The following SIPA1L1 variants were observed in gnomAD, a reference collection of about 807,000 sequenced individuals.
SIPA1L1 encodes signal induced proliferation associated 1 like 1, also known as signal-induced proliferation-associated 1-like protein 1.
A neutral mutation model predicts 162.7 loss-of-function variants in SIPA1L1; 26 were observed. The ratio of observed to expected loss-of-function variants is 0.16; its 90% confidence interval spans 0.12 to 0.22. The LOEUF (loss-of-function observed/expected upper bound fraction) is 0.22, where lower values mean the gene tolerates loss of function less well. Among genes scored for constraint, SIPA1L1 ranks in the 10% least tolerant of loss-of-function variants. SIPA1L1 has a pLI of 1.00. For synonymous variants in SIPA1L1, 829 were observed against 837.4 expected, an observed-to-expected ratio of 0.99 and a Z score of 0.17; for missense variants, 1,874 against 2,241.0, an observed-to-expected ratio of 0.84 and a Z score of 3.31.
At chr14:71,730,022 T>G in intron 19 of SIPA1L1, 33 bp from the exon 20 acceptor site, 1 of 1,599,520 alleles carries the variant, frequency 6.3e-7, no homozygotes, top group Non-Finnish European at 8.5e-7. Context: ...AACCAGAAAA[T>G]TGACTTTCTT....
intron 4 of SIPA1L1, chr14:71,573,858 G>A (rs1239200601): frequency 2.6e-6 from 1 of 380,668 alleles, no homozygotes; most frequent in Non-Finnish European, 5.2e-6. Flanking sequence ...TGCCTTTGAT[G>A]CTTATTATAC....
At chr14:71,512,219 G>T (rs1039680457) in intron 2 of SIPA1L1, among the ~76,000 whole-genome samples, 2 of 152,074 alleles carry the variant, frequency 1.3e-5, no homozygotes, top group African/African-American at 4.8e-5. Context: ...TTTGTCTCTT[G>T]CCCAAATTCC....
In SIPA1L1 at chr14:71,656,353, CATTA is replaced by C. The variant is rs34790773; in HGVS notation, c.1994-1976_1994-1973del. ...CCAATGACATTTTTTTTTTCTGTTTCATTAATTTTGCTTAAAATTGACTTGAAAC... is the reference window on the plus strand; with the variant it reads ...CCAATGACATTTTTTTTTTCTGTTTCATTTTGCTTAAAATTGACTTGAAAC... On this transcript the variant is annotated intron_variant, in intron 8 of 23. Transcript: ENST00000381232. 6.1e-3 allele frequency among the ~76,000 whole-genome samples: 913 copies of C among 150,478 alleles called. 12 individuals carry two copies. The highest frequency in any genetic ancestry group is 0.021 in the African/African-American group (854 of 40,898).
chr14:71,685,213 A>T, intron 12 of SIPA1L1, 149 bp from the exon 13 acceptor site: 1 of 866,448 alleles, frequency 1.2e-6, no homozygotes, highest in Non-Finnish European at 1.8e-6. Context: ...AAAAGAAAAT[A>T]AGTACTAGGG....
intron 2 of SIPA1L1, among the ~76,000 whole-genome samples, chr14:71,498,510 A>C (rs2049961338): frequency 6.6e-6 from 1 of 152,228 alleles, no homozygotes; most frequent in Admixed American, 6.5e-5. Context: ...AGGAAAGTAC[A>C]TAAACTCTGT....
At chr14:71,538,056 C>T (rs1305985333) in intron 4 of SIPA1L1, among the ~76,000 whole-genome samples, 1 of 152,164 alleles carries the variant, frequency 6.6e-6, no homozygotes, top group African/African-American at 2.4e-5. Context: ...AAGATTCACT[C>T]TCTCCTTTCT....
At chr14:71,657,164 A>G (rs529988124) in intron 8 of SIPA1L1, among the ~76,000 whole-genome samples, 5 of 152,224 alleles carry the variant, frequency 3.3e-5, no homozygotes, top group Admixed American at 1.3e-4. Flanking sequence ...CCTGGCCAAC[A>G]TGGTGAAACC....
At chr14:71,654,831 A>C (rs540395605) in intron 8 of SIPA1L1, among the ~76,000 whole-genome samples, 14 of 152,194 alleles carry the variant, frequency 9.2e-5, no homozygotes, top group Non-Finnish European at 1.3e-4. Context: ...ACCAGATAAA[A>C]AAGCATTTTT....
chr14:71,507,172 C>T (rs1202354668), intron 2 of SIPA1L1, among the ~76,000 whole-genome samples: 1 of 152,018 alleles, frequency 6.6e-6, no homozygotes, highest in Non-Finnish European at 1.5e-5. Context: ...TAGAGGAAAA[C>T]TTGGTAACTT....
At position 71,685,746 on chromosome 14, in the gene SIPA1L1, A is replaced by G. The variant is rs1307554075; in HGVS notation, c.3374+115A>G. 6 of 1,289,444 alleles carry G rather than the reference A, an allele frequency of 4.7e-6. No homozygotes were observed. In the African/African-American group the frequency reaches 7.4e-5, roughly 16 times the overall value. The allele number at this position is 1,289,444 out of a possible 1,614,324, so 79.9% of individuals were successfully genotyped here. A position where few individuals can be genotyped will look rare whatever the true frequency, so the allele number is the denominator to read the frequency against. On this transcript the variant is annotated intron_variant, in intron 13 of 23. Coordinates refer to ENST00000381232, the MANE Select transcript of SIPA1L1 (RefSeq NM_001386936.1). ...TATTTTACTAGAAACAAAGAATTAA[A>G]CTGAGGTGCATACCGTAGTGACTTT... is the stretch of plus-strand genomic sequence containing the variant.
chr14:71,542,116 A>G (rs920827560), intron 4 of SIPA1L1, among the ~76,000 whole-genome samples: 1 of 151,984 alleles, frequency 6.6e-6, no homozygotes. Flanking sequence ...GTCTTACTCT[A>G]TCACCCAGCC....
chr14:71,547,919 C>T (rs1212588701), intron 4 of SIPA1L1, among the ~76,000 whole-genome samples: 1 of 152,202 alleles, frequency 6.6e-6, no homozygotes, highest in Non-Finnish European at 1.5e-5. Context: ...TGGCACACGA[C>T]AGTAGTCCCA....
chr14:71,560,960 A>G (rs2056740570), intron 4 of SIPA1L1, among the ~76,000 whole-genome samples: 1 of 152,140 alleles, frequency 6.6e-6, no homozygotes, highest in African/African-American at 2.4e-5. Context: ...TGTTTTAGAG[A>G]CTTCCTTGTT....
At chr14:71,631,412 C>G (rs943798268) in intron 7 of SIPA1L1, among the ~76,000 whole-genome samples, 1 of 152,122 alleles carries the variant, frequency 6.6e-6, no homozygotes, top group Admixed American at 6.5e-5. Flanking sequence ...TCATCAGTTT[C>G]TCTATTGATG....
chr14:71,343,949 T>G (rs757444438), intron 2 of SIPA1L1, among the ~76,000 whole-genome samples: 1 of 152,162 alleles, frequency 6.6e-6, no homozygotes, highest in Non-Finnish European at 1.5e-5. Flanking sequence ...GTAAATGGAG[T>G]CTTCCCTCTA....
intron 2 of SIPA1L1, among the ~76,000 whole-genome samples, chr14:71,366,149 T>C (rs762425338): frequency 1.3e-5 from 2 of 152,134 alleles, no homozygotes; most frequent in African/African-American, 2.4e-5. Flanking sequence ...TTAGTATTTT[T>C]TAAAAGCATC....
At chr14:71,562,381 A>G (rs1335658244) in intron 4 of SIPA1L1, among the ~76,000 whole-genome samples, 2 of 152,288 alleles carry the variant, frequency 1.3e-5, no homozygotes, top group Non-Finnish European at 2.9e-5. Flanking sequence ...GTAGAATTTT[A>G]TTATTAAATG....
At chr14:71,522,637 C>T (rs1490144109) in intron 3 of SIPA1L1, among the ~76,000 whole-genome samples, 5 of 151,486 alleles carry the variant, frequency 3.3e-5, no homozygotes, top group African/African-American at 1.2e-4. Context: ...AGTGGCACTC[C>T]TTTTAGGCAG....
intron 13 of SIPA1L1, among the ~76,000 whole-genome samples, chr14:71,692,129 G>T (rs965141200): frequency 6.6e-6 from 1 of 152,100 alleles, no homozygotes; most frequent in Non-Finnish European, 1.5e-5. Context: ...TAACAAAAGG[G>T]CTTATTTAAG....
Sources: allele counts gnomAD v4.1 joint callset (sites outside exome capture counted in the v4.1 genomes callset), GRCh38; gene constraint gnomAD v4.1.1; transcripts MANE v1.5; gene names NCBI Gene and HGNC (gene_info 2026-07-23, HGNC 2026-07-21).